TGFB2: variants seen among roughly 807,000 people sequenced by gnomAD.
TGFB2 encodes transforming growth factor beta 2, also known as transforming growth factor beta-2 proprotein.
TGFB2 carries 13 observed loss-of-function variants against 42.7 expected under a neutral mutation model. The observed-to-expected ratio is 0.30, with a 90% confidence interval of 0.20 to 0.48. The LOEUF (loss-of-function observed/expected upper bound fraction) is 0.48, where lower values mean the gene tolerates loss of function less well. TGFB2 is among the 20% of genes least tolerant of loss of function. The pLI is 0.99. For missense variants in TGFB2, 390 were observed against 517.5 expected (o/e 0.75, Z 2.39); for synonymous variants, 193 against 193.6 (o/e 1.00, Z 0.03).
intron 1 of TGFB2, among the ~76,000 whole-genome samples, chr1:218,357,841 C>T (rs1004320895): frequency 2.6e-5 from 4 of 152,124 alleles, no homozygotes; most frequent in Non-Finnish European, 5.9e-5. Context: ...GAAGAAGAGA[C>T]GCTGCGTTTC....
At chr1:218,427,266 C>T (rs1018056820) in intron 2 of TGFB2, among the ~76,000 whole-genome samples, 2 of 152,064 alleles carry the variant, frequency 1.3e-5, no homozygotes, top group African/African-American at 2.4e-5. Context: ...TTAAACAATA[C>T]CTTCTAATTA....
chr1:218,410,968 T>C (rs999390245), intron 2 of TGFB2, among the ~76,000 whole-genome samples: 6 of 152,208 alleles, frequency 3.9e-5, no homozygotes, highest in African/African-American at 1.4e-4. Context: ...ATTTTACACA[T>C]GAAGAAATGC....
chr1:218,428,751 G>C (rs778111434), intron 2 of TGFB2, among the ~76,000 whole-genome samples: 2 of 152,120 alleles, frequency 1.3e-5, no homozygotes, highest in Non-Finnish European at 2.9e-5. Context: ...TTGTAGTATA[G>C]TTTGAAGTCA....
At chr1:218,368,425 C>T (rs1657459629) in intron 1 of TGFB2, among the ~76,000 whole-genome samples, 1 of 152,212 alleles carries the variant, frequency 6.6e-6, no homozygotes. Flanking sequence ...GCATGAGCCA[C>T]CGTGCCCGGC....
chr1:218,411,529 G>A (rs113218484), intron 2 of TGFB2, among the ~76,000 whole-genome samples: 507 of 152,234 alleles, frequency 3.3e-3, no homozygotes, highest in Non-Finnish European at 5.5e-3. Flanking sequence ...CTTACATGGG[G>A]ACTCAGGTGT....
intron 1 of TGFB2, among the ~76,000 whole-genome samples, chr1:218,383,480 A>G (rs1283627250): frequency 6.6e-6 from 1 of 151,822 alleles, no homozygotes; most frequent in African/African-American, 2.4e-5. Flanking sequence ...TTCAGAAGTC[A>G]TTTTTCATTT....
chr1:218,424,556 T>A (rs1659558986), intron 2 of TGFB2, among the ~76,000 whole-genome samples: 2 of 152,192 alleles, frequency 1.3e-5, no homozygotes, highest in South Asian at 4.1e-4. Flanking sequence ...GGGATGGGGC[T>A]TAGCAATCTG....
intron 2 of TGFB2, among the ~76,000 whole-genome samples, chr1:218,428,972 C>CTTTTTTT (rs34950123): frequency 2.3e-4 from 22 of 95,880 alleles, no homozygotes; most frequent in Admixed American, 5.5e-4. Flanking sequence ...CCATGAGCAT[C>CTTTTTTT]TTTTTTTTTT....
chr1:218,396,414 A>G (rs561087309), intron 1 of TGFB2, among the ~76,000 whole-genome samples: 49 of 152,266 alleles, frequency 3.2e-4, no homozygotes, highest in African/African-American at 1.1e-3. Context: ...TCACCCTGCC[A>G]CCATATTCAG....
intron 6 of TGFB2, among the ~76,000 whole-genome samples, chr1:218,438,387 A>G (rs10482826): frequency 0.015 from 2,258 of 152,308 alleles, 61 homozygotes; most frequent in African/African-American, 0.052. Context: ...GTGTGTGATT[A>G]TTAGTAAATA....
At chr1:218,435,177 T>C (rs1659931409) in intron 4 of TGFB2, among the ~76,000 whole-genome samples, 1 of 152,160 alleles carries the variant, frequency 6.6e-6, no homozygotes, top group Non-Finnish European at 1.5e-5. Context: ...AGAGAATTGA[T>C]TTCCCTGCCC....
chr1:218,440,699 G>C (rs1660123508), intron 6 of TGFB2, among the ~76,000 whole-genome samples: 1 of 152,172 alleles, frequency 6.6e-6, no homozygotes, highest in Non-Finnish European at 1.5e-5. Context: ...ATTTTGTCCA[G>C]AGAAGACTTA....
chr1:218,383,332 A>AT (rs887489885), intron 1 of TGFB2, among the ~76,000 whole-genome samples: 1 of 152,068 alleles, frequency 6.6e-6, no homozygotes, highest in African/African-American at 2.4e-5. Context: ...AGTGACCTTT[A>AT]TTTTTTTAGG....
chr1:218,437,227 A>T, intron 5 of TGFB2, 116 bp from the exon 6 acceptor site: 1 of 1,032,044 alleles, frequency 9.7e-7, no homozygotes, highest in Non-Finnish European at 1.4e-6. Context: ...TGCTCATTAG[A>T]TGTTTGTTGA....
At chr1:218,363,931 G>T (rs1477873417) in intron 1 of TGFB2, among the ~76,000 whole-genome samples, 1 of 152,188 alleles carries the variant, frequency 6.6e-6, no homozygotes, top group African/African-American at 2.4e-5. Context: ...ATGCAGTCCA[G>T]GATGGCCTTG....
At chr1:218,348,960 G>C (rs1293061226) in intron 1 of TGFB2, among the ~76,000 whole-genome samples, 1 of 152,188 alleles carries the variant, frequency 6.6e-6, no homozygotes, top group African/African-American at 2.4e-5. Context: ...GTTCTCTGAA[G>C]CACACTTCAG....
intron 2 of TGFB2, among the ~76,000 whole-genome samples, chr1:218,426,713 A>G (rs1048240865): frequency 6.6e-6 from 1 of 152,358 alleles, no homozygotes; most frequent in South Asian, 2.1e-4. Context: ...AGATTAAAAA[A>G]TCAGTTAAAG....
chr1:218,369,289 A>C (rs1406050806), intron 1 of TGFB2, among the ~76,000 whole-genome samples: 1 of 130,816 alleles, frequency 7.6e-6, no homozygotes, highest in African/African-American at 3.0e-5. Flanking sequence ...AAAAAAAAAA[A>C]AAAATGGTAT....
chr1:218,433,656 G>C (rs527862735), intron 2 of TGFB2, among the ~76,000 whole-genome samples: 33 of 152,284 alleles, frequency 2.2e-4, no homozygotes, highest in African/African-American at 7.2e-4. Context: ...TTGAGAGTGA[G>C]CCTGGGTCCT....
Sources: allele counts gnomAD v4.1 joint callset (sites outside exome capture counted in the v4.1 genomes callset), GRCh38; gene constraint gnomAD v4.1.1; transcripts MANE v1.5; gene names NCBI Gene and HGNC (gene_info 2026-07-23, HGNC 2026-07-21).